The following DNAJC8 variants were observed in gnomAD, a reference collection of about 807,000 sequenced individuals.
DNAJC8 encodes dnaJ homolog subfamily C member 8.
Under a neutral mutation model 43.2 loss-of-function variants are expected in DNAJC8, and 24 were observed. That is an observed-to-expected ratio of 0.56 (90% CI 0.40 to 0.78). The LOEUF is 0.78. DNAJC8 is among the 30% of genes least tolerant of loss of function. DNAJC8 has a pLI of 0.00. For missense variants in DNAJC8, 207 were observed against 299.4 expected, an observed-to-expected ratio of 0.69 and a Z score of 2.28; for synonymous variants, 83 against 98.0, an observed-to-expected ratio of 0.85 and a Z score of 0.90.
In DNAJC8 at chr1:28,201,193, C is replaced by T. The variant is rs184086871; in HGVS notation, c.*55G>A. Reference sequence around the variant, plus strand: ...AAGTGGGAGGAAAGAATGAGTCCTTCGAAGCAGGAAGGGAGATAGCAGGGG... The same window carrying T: ...AAGTGGGAGGAAAGAATGAGTCCTTTGAAGCAGGAAGGGAGATAGCAGGGG... On this transcript the variant is annotated 3_prime_UTR_variant, in exon 9 of 9. Coordinates refer to ENST00000263697, the MANE Select transcript of DNAJC8 (RefSeq NM_014280.3). The T allele has an allele frequency of 1.2e-3, 1,888 of 1,606,256 alleles. 2 individuals carry two copies. The highest frequency in any genetic ancestry group is 1.5e-3 in the Non-Finnish European group (1,741 of 1,177,878).
chr1:28,231,459 T>A (rs1329985794), intron 1 of DNAJC8, among the ~76,000 whole-genome samples: 1 of 152,066 alleles, frequency 6.6e-6, no homozygotes, highest in Non-Finnish European at 1.5e-5. Context: ...CTCAAGCCTG[T>A]AATCCCAGCA....
At chr1:28,228,829 G>A (rs1646955050) in intron 2 of DNAJC8, 93 bp downstream of exon 2, 2 of 1,001,550 alleles carry the variant, frequency 2.0e-6, no homozygotes, top group Non-Finnish European at 1.5e-6. Context: ...TCCTAACTAT[G>A]ATATAAATTA....
intron 3 of DNAJC8, among the ~76,000 whole-genome samples, chr1:28,211,162 AAAAAAC>A (rs71027265): frequency 0.53 from 79,033 of 150,060 alleles, 21,821 homozygotes; most frequent in African/African-American, 0.64. Flanking sequence ...TGTCTCCAGG[AAAAAAC>A]AAAAACAAAA....
chr1:28,231,403 C>A (rs569599323), intron 1 of DNAJC8, among the ~76,000 whole-genome samples: 2 of 152,154 alleles, frequency 1.3e-5, no homozygotes, highest in East Asian at 3.9e-4. Flanking sequence ...TGAAGATCTG[C>A]AAAATTAATG....
intron 6 of DNAJC8, 56 bp from the exon 7 acceptor site, chr1:28,205,405 T>G: frequency 7.3e-7 from 1 of 1,371,588 alleles, no homozygotes; most frequent in Non-Finnish European, 1.0e-6. Flanking sequence ...ACCAGCAACT[T>G]GAACCATGTA....
chr1:28,226,162 T>C lies in DNAJC8; in HGVS notation c.180+2760A>G, dbSNP rs1198500169. 4.0e-5 allele frequency among the ~76,000 whole-genome samples: 6 copies of C among 151,464 alleles called. 1 individual carries two copies. The highest frequency in any genetic ancestry group is 1.5e-4 in the African/African-American group (6 of 41,294). The stretch of plus-strand genomic sequence containing the variant: ...AAATGTGAACAATTAGAAAGTAGTT[T>C]AGGGAGTCTCTCTGAACCTATTCTG... On this transcript the variant is annotated intron_variant, in intron 2 of 8. Transcript: ENST00000263697.
intron 3 of DNAJC8, among the ~76,000 whole-genome samples, chr1:28,214,235 G>A (rs1438524567): frequency 1.3e-5 from 2 of 151,934 alleles, no homozygotes; most frequent in East Asian, 3.9e-4. Flanking sequence ...ATTTAAGTTG[G>A]CAAAAGATAA....
intron 2 of DNAJC8, among the ~76,000 whole-genome samples, chr1:28,217,978 T>G (rs12047665): frequency 6.6e-6 from 1 of 151,982 alleles, no homozygotes; most frequent in East Asian, 1.9e-4. Context: ...TTGGGCCCAT[T>G]TGCATGTGGA....
chr1:28,208,623 C>T (rs1572061204), intron 5 of DNAJC8: 2 of 354,588 alleles, frequency 5.6e-6, no homozygotes, highest in East Asian at 8.5e-5. Flanking sequence ...CTAATCTCAT[C>T]TAAAATCCAA....
rs138266322 is a variant in DNAJC8, at chr1:28,204,887, G to C, written c.563+371C>G. On this transcript the variant is annotated intron_variant, in intron 7 of 8. Coordinates refer to ENST00000263697, the MANE Select transcript of DNAJC8 (RefSeq NM_014280.3). The stretch of plus-strand genomic sequence containing the variant: ...AAATACAAAAAATTAGCCGGGCATG[G>C]TGGTGTACACCTGTAGTCCCAGCTA... 4.2e-3 allele frequency among the ~76,000 whole-genome samples: 644 copies of C among 152,178 alleles called. 19 individuals are homozygous for C. The highest frequency in any genetic ancestry group is 0.019 in the East Asian group (97 of 5,150).
intron 3 of DNAJC8, among the ~76,000 whole-genome samples, chr1:28,214,732 A>T (rs938682447): frequency 1.3e-5 from 2 of 152,074 alleles, no homozygotes; most frequent in South Asian, 4.1e-4. Flanking sequence ...TTGGATATAA[A>T]ATTCATTCTA....
At chr1:28,228,839 A>C (rs1646955090) in intron 2 of DNAJC8, 83 bp downstream of exon 2, 1 of 1,063,214 alleles carries the variant, frequency 9.4e-7, no homozygotes, top group Non-Finnish European at 1.4e-6. Flanking sequence ...GATATAAATT[A>C]GGTATGTATT....
At chr1:28,230,102 G>GA (rs1646963873) in intron 1 of DNAJC8, 1 of 151,922 alleles carries the variant, frequency 6.6e-6, no homozygotes, top group Middle Eastern at 3.2e-3. Flanking sequence ...TTAAAAAAAA[G>GA]AAAGAAAGAA....
intron 2 of DNAJC8, among the ~76,000 whole-genome samples, chr1:28,224,728 C>T (rs541860838): frequency 2.0e-4 from 30 of 151,854 alleles, no homozygotes; most frequent in Non-Finnish European, 3.8e-4. Flanking sequence ...ACTAAAAATA[C>T]AAAAAATTAG....
At chr1:28,222,874 G>A (rs1646908233) in intron 2 of DNAJC8, among the ~76,000 whole-genome samples, 2 of 152,142 alleles carry the variant, frequency 1.3e-5, no homozygotes, top group African/African-American at 4.8e-5. Flanking sequence ...AGGAACATCA[G>A]AACCTAAGCA....
intron 7 of DNAJC8, among the ~76,000 whole-genome samples, chr1:28,204,159 C>G (rs890589772): frequency 5.1e-4 from 77 of 152,144 alleles, no homozygotes; most frequent in African/African-American, 1.7e-3. Context: ...GCAGAATGAC[C>G]ATTATAAAGC....
chr1:28,212,332 T>C, intron 3 of DNAJC8, among the ~76,000 whole-genome samples: 1 of 142,778 alleles, frequency 7.0e-6, no homozygotes, highest in Non-Finnish European at 1.5e-5. Context: ...TGGAGTGCAA[T>C]GGTGCTATCC....
chr1:28,203,915 T>G, intron 7 of DNAJC8, 93 bp from the exon 8 acceptor site: 1 of 1,236,852 alleles, frequency 8.1e-7, no homozygotes, highest in Non-Finnish European at 1.2e-6. Flanking sequence ...CAAGCATATA[T>G]AGTAAATCAA....
Position 28,212,164 on chromosome 1 carries a change from AATAAATATATATATATATATATATATAT to A in DNAJC8, c.238-1555_238-1528del, listed in dbSNP as rs1162506373. On this transcript the variant is annotated intron_variant, in intron 3 of 8. Coordinates refer to ENST00000263697, the MANE Select transcript of DNAJC8 (RefSeq NM_014280.3). ...GAGCCGGACTCCGTCTCAATAAATA[AATAAATATATATATATATATATATATAT>A]ATATATATATATATATATATATAAA... Among the ~76,000 whole-genome samples, 25 of 30,564 alleles carry A rather than the reference AATAAATATATATATATATATATATATAT, an allele frequency of 8.2e-4. 2 individuals are homozygous for A. The highest frequency in any genetic ancestry group is 1.9e-3 in the African/African-American group (21 of 11,304). The allele number at this position is 30,564 out of a possible 152,430, so 20.1% of individuals were successfully genotyped here. A position where few individuals can be genotyped will look rare whatever the true frequency, so the allele number is the denominator to read the frequency against.
Sources: allele counts gnomAD v4.1 joint callset (sites outside exome capture counted in the v4.1 genomes callset), GRCh38; gene constraint gnomAD v4.1.1; transcripts MANE v1.5; gene names NCBI Gene and HGNC (gene_info 2026-07-23, HGNC 2026-07-21).